WDR3: variants seen among roughly 807,000 people sequenced by gnomAD.
WDR3 encodes WD repeat domain 3.
A neutral mutation model predicts 123.7 loss-of-function variants in WDR3; 81 were observed. The ratio of observed to expected loss-of-function variants is 0.65; its 90% CI spans 0.55 to 0.79. The LOEUF (loss-of-function observed/expected upper bound fraction) is 0.79, where lower values mean the gene tolerates loss of function less well. Among genes scored for constraint, WDR3 ranks in the 30% least tolerant of loss-of-function variants. WDR3 has a pLI of 0.00. For missense variants in WDR3, 1,027 were observed against 1,123.2 expected, an observed-to-expected ratio of 0.91 and a Z score of 1.22; for synonymous variants, 390 against 388.8, an observed-to-expected ratio of 1.00 and a Z score of -0.04.
chr1:117,931,257 A>G (rs191541034), intron 1 of WDR3, among the ~76,000 whole-genome samples: 1 of 152,134 alleles, frequency 6.6e-6, no homozygotes, highest in South Asian at 2.1e-4. Flanking sequence ...TCATATTTAC[A>G]ATGTGCTAGA....
chr1:117,950,598 G>A (rs1651575018), intron 15 of WDR3, among the ~76,000 whole-genome samples: 1 of 152,146 alleles, frequency 6.6e-6, no homozygotes, highest in African/African-American at 2.4e-5. Context: ...GACTGAGGCA[G>A]TAAGCTTCTG....
chr1:117,941,160 C>A lies in WDR3; in HGVS notation c.826C>A (p.Arg276=), dbSNP rs150881258. Residue 276 remains arginine, a synonymous_variant, in exon 8 of 27, where the codon CGG becomes AGG. Coordinates refer to ENST00000349139, the MANE Select transcript of WDR3 (RefSeq NM_006784.3). The stretch of plus-strand genomic sequence containing the variant: ...ATGCAGAAAAGCTGGTTCCATAATG[C>A]GGGAAGGAAGAGACAGAGTTGTAAA... The part of the protein sequence containing the change: ...LSCRKAGSIM[R]EGRDRVVNLA... 4 of 1,614,030 alleles carry A rather than the reference C, an allele frequency of 2.5e-6. No homozygotes were observed. In the South Asian group the frequency reaches 3.3e-5, roughly 13 times the overall value.
At chr1:117,956,806 T>G (rs1317386923) in intron 24 of WDR3, among the ~76,000 whole-genome samples, 1 of 152,164 alleles carries the variant, frequency 6.6e-6, no homozygotes, top group Non-Finnish European at 1.5e-5. Flanking sequence ...ACAAAAGGCT[T>G]TGGAGATATT....
intron 21 of WDR3, 28 bp from the exon 22 acceptor site, chr1:117,953,979 G>A: frequency 6.3e-7 from 1 of 1,582,074 alleles, no homozygotes; most frequent in East Asian, 2.2e-5. Flanking sequence ...ATGTTGTGAT[G>A]ACTTCTTTCC....
Position 117,966,510 on chromosome 1 carries a change from G to T in WDR3, c.*7063G>T. The T allele has an allele frequency of 1.7e-6, 2 of 1,154,948 alleles. No individual in the cohort carries two copies. Among genetic ancestry groups the T allele is most frequent in the Non-Finnish European group, 2.4e-6 (2 of 847,668 alleles). The allele number at this position is 1,154,948 out of a possible 1,614,324, so 71.5% of individuals were successfully genotyped here. ...AAATTTAACTCTGATTTTGAAGATA[G>T]AATTAATAAAGTAGAGATGCATTTT... On this transcript the variant is annotated 3_prime_UTR_variant, in exon 27 of 27. Transcript: ENST00000349139.
intron 17 of WDR3, 52 bp downstream of exon 17, chr1:117,952,128 C>T: frequency 6.4e-7 from 1 of 1,571,248 alleles, no homozygotes; most frequent in Non-Finnish European, 8.7e-7. Flanking sequence ...TAAGTTATCA[C>T]TTTCCTTGAG....
rs150881258 is a variant in WDR3 at position 117,941,160 on chromosome 1, C to T, written c.826C>T (p.Arg276Trp). 45 of 1,613,912 alleles carry T rather than the reference C, an allele frequency of 2.8e-5. No homozygotes were observed. Among genetic ancestry groups the T allele is most frequent in the South Asian group, 3.3e-5 (3 of 91,076 alleles). The change falls in exon 8 of 27, where the codon CGG becomes TGG. Residue 276 changes from arginine (R) to tryptophan (W), a missense_variant. Physicochemically the swap from Arg to Trp is moderately radical, Grantham distance 101. Transcript: ENST00000349139. ...ATGCAGAAAAGCTGGTTCCATAATG[C>T]GGGAAGGAAGAGACAGAGTTGTAAA... ...LSCRKAGSIM[R>W]EGRDRVVNLA...
At chr1:117,938,889 C>T (rs1374859949) in intron 5 of WDR3, among the ~76,000 whole-genome samples, 5 of 152,124 alleles carry the variant, frequency 3.3e-5, no homozygotes, top group South Asian at 2.1e-4. Flanking sequence ...GTAAGCAGCA[C>T]GTGGTAGCTG....
chr1:117,956,486 T>A (rs1652212130), intron 24 of WDR3, among the ~76,000 whole-genome samples: 1 of 152,190 alleles, frequency 6.6e-6, no homozygotes, highest in African/African-American at 2.4e-5. Context: ...AATTGATTAA[T>A]GTGGAGGTTA....
In WDR3 at chr1:117,959,568, A is replaced by G. The variant is rs1652754277; in HGVS notation, c.*121A>G. The G allele has an allele frequency of 3.6e-6, 4 of 1,103,494 alleles. No individual in the cohort carries two copies. Among genetic ancestry groups the G allele is most frequent in the Middle Eastern group, 2.9e-4 (1 of 3,500 alleles). The allele number at this position is 1,103,494 out of a possible 1,614,324, so 68.4% of individuals were successfully genotyped here. On this transcript the variant is annotated 3_prime_UTR_variant, in exon 27 of 27. Transcript: ENST00000349139. ...ATAACAGAAGATCGCATTGCAGATG[A>G]TATCAGGATGTGGTTTCCAGCTTTG... is the stretch of plus-strand genomic sequence containing the variant.
At chr1:117,951,429 T>G (rs1339058039) in intron 16 of WDR3, among the ~76,000 whole-genome samples, 3 of 151,596 alleles carry the variant, frequency 2.0e-5, no homozygotes, top group Non-Finnish European at 4.4e-5. Context: ...AAAAGTCTAT[T>G]CTGTGTGAAA....
chr1:117,965,331 C>T lies in WDR3; in HGVS notation c.*5884C>T, dbSNP rs535657855. 6.6e-6 allele frequency: 1 copy of T among 152,348 alleles called. No homozygotes were observed. Among genetic ancestry groups the T allele is most frequent in the South Asian group, 2.1e-4 (1 of 4,832 alleles). 9.4% of individuals were successfully genotyped at this position (152,348 alleles called of 1,614,324 possible). A position where few individuals can be genotyped will look rare whatever the true frequency, so the allele number is the denominator to read the frequency against. On this transcript the variant is annotated 3_prime_UTR_variant, in exon 27 of 27. Coordinates refer to ENST00000349139, the MANE Select transcript of WDR3 (RefSeq NM_006784.3). ...TCTCCACTGGCTCTTCTTCCTCCTG[C>T]TCCCTAAACCGACTCCAGATTTCTG... is the stretch of plus-strand genomic sequence containing the variant.
At chr1:117,939,393 G>C (rs1651062255) in intron 5 of WDR3, 84 bp from the exon 6 acceptor site, 8 of 1,385,456 alleles carry the variant, frequency 5.8e-6, no homozygotes, top group African/African-American at 1.4e-5. Context: ...TTTTACTACG[G>C]TGTAACAGAC....
chr1:117,960,109 CGT>C lies in WDR3; in HGVS notation c.*699_*700del, dbSNP rs3059173. ...TGGGCTTCTGAGGAATTAATACACT[CGT>C]GTGTGTGTGTGTGTGTGTGTGTGTG... On this transcript the variant is annotated 3_prime_UTR_variant, in exon 27 of 27. Coordinates refer to ENST00000349139, the MANE Select transcript of WDR3 (RefSeq NM_006784.3). 0.039 allele frequency: 5,684 copies of C among 144,424 alleles called. 107 individuals carry two copies. The highest frequency in any genetic ancestry group is 0.06 in the South Asian group (265 of 4,444). The allele number at this position is 144,424 out of a possible 1,614,324, so 8.9% of individuals were successfully genotyped here. A position where few individuals can be genotyped will look rare whatever the true frequency, so the allele number is the denominator to read the frequency against.
In WDR3 at chr1:117,936,779, T is replaced by C. The variant is rs777644143; in HGVS notation, c.392T>C (p.Ile131Thr). The change falls in exon 4 of 27, where the codon ATT becomes ACT. Residue 131 changes from isoleucine (I) to threonine (T), a missense_variant. Physicochemically the swap from Ile to Thr is moderately conservative, Grantham distance 89. Transcript: ENST00000349139. ...RLASGSKDTD[I>T]IVWDVINESG... Reference sequence around the variant, plus strand: ...ATTTGATCCCTTTAGGACACAGATATTATTGTATGGGATGTGATCAATGAA... The same window carrying C: ...ATTTGATCCCTTTAGGACACAGATACTATTGTATGGGATGTGATCAATGAA... The C allele has an allele frequency of 1.9e-6, 3 of 1,610,846 alleles. No homozygotes were observed. Among genetic ancestry groups the C allele is most frequent in the Non-Finnish European group, 1.7e-6 (2 of 1,178,142 alleles).
intron 3 of WDR3, among the ~76,000 whole-genome samples, chr1:117,935,702 A>G (rs1367767441): frequency 6.6e-6 from 1 of 152,054 alleles, no homozygotes; most frequent in Admixed American, 6.5e-5. Flanking sequence ...AGCATTTTAA[A>G]GTAAACTAGA....
chr1:117,937,042 G>A (rs1650966100), intron 4 of WDR3, among the ~76,000 whole-genome samples, 155 bp downstream of exon 4: 1 of 151,968 alleles, frequency 6.6e-6, no homozygotes, highest in Admixed American at 6.6e-5. Flanking sequence ...CTTCTAAGTA[G>A]TATCGTAGAG....
intron 5 of WDR3, 81 bp from the exon 6 acceptor site, chr1:117,939,396 T>G: frequency 7.0e-7 from 1 of 1,433,172 alleles, no homozygotes; most frequent in Non-Finnish European, 9.8e-7. Flanking sequence ...TACTACGGTG[T>G]AACAGACTTT....
intron 11 of WDR3, 96 bp downstream of exon 11, chr1:117,943,722 C>T: frequency 9.5e-7 from 1 of 1,050,310 alleles, no homozygotes; most frequent in Non-Finnish European, 1.4e-6. Flanking sequence ...CCTTAAGGCC[C>T]TAAATACAAT....
Sources: gnomAD v4.1 joint callset for allele counts (sites outside exome capture counted in the v4.1 genomes callset) on GRCh38, gnomAD v4.1.1 for gene constraint, MANE v1.5 for transcripts, NCBI Gene and HGNC (gene_info 2026-07-23, HGNC 2026-07-21) for gene names.